EDRF1: variants seen among roughly 807,000 people sequenced by gnomAD.
EDRF1 encodes the protein erythroid differentiation-related factor 1.
In EDRF1, 69 loss-of-function variants were observed where a neutral mutation model predicts 148.7. That is an observed-to-expected ratio of 0.46 (90% CI 0.38 to 0.57). The LOEUF (loss-of-function observed/expected upper bound fraction) is 0.57, where lower values mean the gene tolerates loss of function less well. Ranked by LOEUF, EDRF1 falls within the 20% of genes least tolerant of loss-of-function variation. EDRF1 has a pLI of 0.00. For missense variants in EDRF1, 1,118 were observed against 1,478.7 expected, an observed-to-expected ratio of 0.76 and a Z score of 4.00; for synonymous variants, 515 against 532.8, an observed-to-expected ratio of 0.97 and a Z score of 0.46.
chr10:125,722,479 T>C (rs1185335301), intron 2 of EDRF1, among the ~76,000 whole-genome samples: 1 of 152,198 alleles, frequency 6.6e-6, no homozygotes, highest in African/African-American at 2.4e-5. Context: ...AGTTGGAACA[T>C]GGTGATGTCG....
intron 9 of EDRF1, among the ~76,000 whole-genome samples, chr10:125,731,044 G>T (rs1372569025): frequency 6.6e-6 from 1 of 152,140 alleles, no homozygotes; most frequent in Non-Finnish European, 1.5e-5. Flanking sequence ...CTACTTGGGG[G>T]CTTGAAGCAG....
At chr10:125,744,483 C>T (rs1276080710) in intron 18 of EDRF1, among the ~76,000 whole-genome samples, 1 of 152,196 alleles carries the variant, frequency 6.6e-6, no homozygotes, top group Non-Finnish European at 1.5e-5. Context: ...TGCACCCAGC[C>T]TGTGTGCCTG....
chr10:125,742,286 C>T (rs1303591245), intron 17 of EDRF1: 3 of 1,288,588 alleles, frequency 2.3e-6, no homozygotes, highest in Non-Finnish European at 3.0e-6. Context: ...TACCTCAGCA[C>T]AGTGTGTAAC....
At chr10:125,761,379 T>C in intron 24 of EDRF1, 6 of 215,940 alleles carry the variant, frequency 2.8e-5, no homozygotes, top group Non-Finnish European at 3.8e-5. Context: ...ATTCATTGCT[T>C]TCACAGATCC....
At chr10:125,735,240 C>T (rs1848670503) in intron 12 of EDRF1, among the ~76,000 whole-genome samples, 1 of 151,288 alleles carries the variant, frequency 6.6e-6, no homozygotes, top group Non-Finnish European at 1.5e-5. Flanking sequence ...ATATTAGTTA[C>T]CTATTATAGA....
intron 22 of EDRF1, among the ~76,000 whole-genome samples, chr10:125,750,092 G>C (rs1849563769): frequency 6.6e-6 from 1 of 152,192 alleles, no homozygotes; most frequent in Admixed American, 6.5e-5. Flanking sequence ...AGTGAGCCAA[G>C]ATCGTGCCAC....
intron 9 of EDRF1, among the ~76,000 whole-genome samples, chr10:125,731,705 A>G (rs1011141085): frequency 1.3e-5 from 2 of 152,202 alleles, no homozygotes; most frequent in African/African-American, 4.8e-5. Flanking sequence ...AGAAAACCAG[A>G]GGCATTGTAC....
chr10:125,723,883 A>G lies in EDRF1; in HGVS notation c.457A>G (p.Thr153Ala). The G allele has an allele frequency of 6.2e-7, 1 of 1,613,564 alleles. No homozygotes were observed. The highest frequency in any genetic ancestry group is 8.5e-7 in the Non-Finnish European group (1 of 1,179,640). ...CATGGCAGTACACCGCATAGGAAGG[A>G]CTCTCTTACTAGATGAGCTAGATAT... ...VSMAVHRIGR[T>A]LLLDELDIQE... Residue 153 changes from threonine (T) to alanine (A), a missense_variant, in exon 4 of 25, where the codon ACT (threonine) becomes GCT (alanine). Thr to Ala is a moderately conservative substitution (Grantham distance 58). Transcript: ENST00000356792.
chr10:125,731,256 A>G (rs1241295161), intron 9 of EDRF1, among the ~76,000 whole-genome samples: 5 of 152,234 alleles, frequency 3.3e-5, no homozygotes, highest in African/African-American at 7.2e-5. Context: ...AATAATATGC[A>G]GAGAGAACAG....
At chr10:125,727,592 A>AG (rs1848317028) in intron 6 of EDRF1, among the ~76,000 whole-genome samples, 1 of 152,228 alleles carries the variant, frequency 6.6e-6, no homozygotes, top group Non-Finnish European at 1.5e-5. Context: ...AAAATAAAAA[A>AG]GAGTTTAAAG....
rs1457759645 is a variant in EDRF1, at chr10:125,743,233, G to A, written c.2547G>A (p.Val849=). 3.7e-6 allele frequency: 6 copies of A among 1,613,716 alleles called. No individual in the cohort carries two copies. The African/African-American group carries it at 6.7e-5, about 18-fold the overall frequency. The change falls in exon 18 of 25, where the codon GTG becomes GTA. Residue 849 remains valine, a synonymous_variant. Coordinates refer to ENST00000356792, the MANE Select transcript of EDRF1 (RefSeq NM_001202438.2). ...RMGNIRNEIG[V]FYMNQAAALQ... ...GTAACATTAGAAATGAAATTGGTGT[G>A]TTTTACATGAATCAGGCTGCTGCAT...
intron 24 of EDRF1, among the ~76,000 whole-genome samples, chr10:125,759,775 A>G (rs546294542): frequency 6.6e-6 from 1 of 152,124 alleles, no homozygotes; most frequent in Non-Finnish European, 1.5e-5. Context: ...CAGTGGCGCA[A>G]TCTCGGCTCA....
At position 125,743,293 on chromosome 10, in the gene EDRF1, A is replaced by G. The variant is rs763387129; in HGVS notation, c.2590+17A>G. On this transcript the variant is annotated intron_variant, in intron 18 of 24. Transcript: ENST00000356792. The stretch of plus-strand genomic sequence containing the variant: ...AGAGACTAGGTGAGTATCTCTTTAG[A>G]TTCCTCTCTATTGCTTGTTCTCTCA... The G allele has an allele frequency of 6.3e-7, 1 of 1,590,346 alleles. No homozygotes were observed. The highest frequency in any genetic ancestry group is 1.1e-5 in the South Asian group (1 of 90,428).
chr10:125,757,336 A>G (rs2133764649), intron 24 of EDRF1, among the ~76,000 whole-genome samples: 1 of 152,322 alleles, frequency 6.6e-6, no homozygotes, highest in Non-Finnish European at 1.5e-5. Flanking sequence ...GTAATATGAT[A>G]CTGCTTTACA....
chr10:125,739,263 A>G (rs974928096), intron 15 of EDRF1, among the ~76,000 whole-genome samples: 5 of 152,322 alleles, frequency 3.3e-5, no homozygotes, highest in African/African-American at 4.8e-5. Context: ...CAGCATTTAT[A>G]TAGTGCTGCT....
intron 17 of EDRF1, chr10:125,742,671 CTTCA>C: frequency 2.0e-6 from 2 of 985,024 alleles, no homozygotes; most frequent in Non-Finnish European, 2.4e-6. Context: ...GTAGCAGCCT[CTTCA>C]GTGACTTAAA....
intron 24 of EDRF1, among the ~76,000 whole-genome samples, chr10:125,761,748 G>C (rs1248076878): frequency 6.6e-6 from 1 of 152,308 alleles, no homozygotes; most frequent in African/African-American, 2.4e-5. Flanking sequence ...CAAATCAAAA[G>C]ATTTTAAGTT....
chr10:125,745,695 T>C lies in EDRF1; in HGVS notation c.2591-12T>C. The C allele has an allele frequency of 1.2e-6, 2 of 1,613,888 alleles. No individual in the cohort carries two copies. Among genetic ancestry groups the C allele is most frequent in the Non-Finnish European group, 1.7e-6 (2 of 1,179,738 alleles). On this transcript the variant is annotated splice_polypyrimidine_tract_variant and intron_variant, in intron 18 of 24. Coordinates refer to ENST00000356792, the MANE Select transcript of EDRF1 (RefSeq NM_001202438.2). ...CTGCTTACACAGTTGTTTTCTTTCT[T>C]TCTCTGTAAAGTGAGCAAATCTGTG... is the stretch of plus-strand genomic sequence containing the variant.
chr10:125,756,569 T>A (rs1849908916), intron 24 of EDRF1, among the ~76,000 whole-genome samples: 2 of 152,222 alleles, frequency 1.3e-5, no homozygotes, highest in Admixed American at 1.3e-4. Flanking sequence ...TATCTGTTTC[T>A]CCTCTCAGCA....
Sources: gnomAD v4.1 joint callset for allele counts (sites outside exome capture counted in the v4.1 genomes callset) on GRCh38, gnomAD v4.1.1 for gene constraint, MANE v1.5 for transcripts, NCBI Gene and HGNC (gene_info 2026-07-23, HGNC 2026-07-21) for gene names.